The following CSNK1D variants were observed in gnomAD, a reference collection of about 807,000 sequenced individuals.
CSNK1D encodes the protein casein kinase 1 delta.
CSNK1D carries 16 observed loss-of-function variants against 46.6 expected under a neutral mutation model. The observed-to-expected ratio is 0.34, with a 90% CI of 0.23 to 0.52. The LOEUF (loss-of-function observed/expected upper bound fraction) is 0.52. Ranked by LOEUF, CSNK1D falls within the 20% of genes least tolerant of loss-of-function variation. The pLI is 0.95. For missense variants in CSNK1D, 398 were observed against 578.4 expected, an observed-to-expected ratio of 0.69 and a Z score of 3.20; for synonymous variants, 276 against 228.2, an observed-to-expected ratio of 1.21 and a Z score of -1.89.
Position 82,244,137 on chromosome 17 carries a change from G to GGC in CSNK1D, c.*642_*643dup. The stretch of plus-strand genomic sequence containing the variant: ...GGTTGAAGAGGTCCCACCACACACG[G>GGC]GCACACACACACACCACGGACTTTT... On this transcript the variant is annotated 3_prime_UTR_variant, in exon 9 of 9. Transcript: ENST00000314028. 5.0e-6 allele frequency: 5 copies of GGC among 997,848 alleles called. No homozygotes were observed. Among genetic ancestry groups the GGC allele is most frequent in the African/African-American group, 1.7e-5 (1 of 57,362 alleles). 61.8% of individuals were successfully genotyped at this position (997,848 alleles called of 1,614,324 possible).
Position 82,249,991 on chromosome 17 carries a change from C to G in CSNK1D, c.886-389G>C. On this transcript the variant is annotated intron_variant, in intron 6 of 8. Coordinates refer to ENST00000314028, the MANE Select transcript of CSNK1D (RefSeq NM_001893.6). This position sits in a 1 kb window ranked among gnomAD's most constrained non-coding sequence, Gnocchi z 6.7. ...AAAGACAGGCCCCAAATGGTGACAG[C>G]TGGGGAGGAAAGCGGGGTGGGGATG... The G allele has an allele frequency of 4.9e-6, 6 of 1,235,744 alleles. No individual in the cohort carries two copies. The South Asian group carries it at 7.3e-5, about 15-fold the overall frequency. The allele number at this position is 1,235,744 out of a possible 1,614,324, so 76.5% of individuals were successfully genotyped here. A position where few individuals can be genotyped will look rare whatever the true frequency, so the allele number is the denominator to read the frequency against.
intron 1 of CSNK1D, among the ~76,000 whole-genome samples, chr17:82,270,180 C>T (rs1018402968): frequency 6.6e-6 from 1 of 152,206 alleles, no homozygotes; most frequent in Non-Finnish European, 1.5e-5. Flanking sequence ...CAAGAAATAG[C>T]CCCAAAATAC....
chr17:82,269,720 G>A (rs1244924879), intron 1 of CSNK1D, among the ~76,000 whole-genome samples: 2 of 152,220 alleles, frequency 1.3e-5, no homozygotes, highest in Non-Finnish European at 2.9e-5. Flanking sequence ...CACTACAGGT[G>A]AGAACAGAGG....
intron 1 of CSNK1D, chr17:82,272,345 A>C (rs1567823055): frequency 6.6e-6 from 1 of 152,010 alleles, no homozygotes; most frequent in Non-Finnish European, 1.5e-5. Context: ...ACTCCGTCTC[A>C]GGAAAAAAAA....
At chr17:82,246,746 G>T in intron 8 of CSNK1D, 1 of 991,944 alleles carries the variant, frequency 1.0e-6, no homozygotes, top group South Asian at 4.5e-5. Flanking sequence ...AGACCTTCCT[G>T]CTGCCTCCTC....
rs2051146211 is a variant in CSNK1D, at chr17:82,255,220, G to A, written c.336+209C>T. The A allele has an allele frequency of 3.1e-6, 2 of 647,208 alleles. No homozygotes were observed. Among genetic ancestry groups the A allele is most frequent in the East Asian group, 5.8e-5 (2 of 34,412 alleles). The allele number at this position is 647,208 out of a possible 1,614,324, so 40.1% of individuals were successfully genotyped here. A position where few individuals can be genotyped will look rare whatever the true frequency, so the allele number is the denominator to read the frequency against. On this transcript the variant is annotated intron_variant, in intron 3 of 8. Coordinates refer to ENST00000314028, the MANE Select transcript of CSNK1D (RefSeq NM_001893.6). This position sits in a 1 kb window ranked among gnomAD's most constrained non-coding sequence, Gnocchi z 5.9. The stretch of plus-strand genomic sequence containing the variant: ...GAGCCTCGAGAAGCCAGTGAGCTGG[G>A]CCGCCGGAGCCTCGAGAAGCCAGTG...
intron 2 of CSNK1D, among the ~76,000 whole-genome samples, chr17:82,257,976 G>A (rs2051221439): frequency 6.6e-6 from 1 of 152,156 alleles, no homozygotes; most frequent in South Asian, 2.1e-4. Context: ...GGAGGTGGAA[G>A]TGGGAGGATC....
intron 2 of CSNK1D, among the ~76,000 whole-genome samples, chr17:82,257,631 C>T (rs965969346): frequency 1.3e-5 from 2 of 152,300 alleles, no homozygotes; most frequent in East Asian, 1.9e-4. Context: ...TGCCTGAGGG[C>T]GGGAAGGAGC....
chr17:82,268,238 G>A (rs1015621661), intron 1 of CSNK1D, among the ~76,000 whole-genome samples: 12 of 152,198 alleles, frequency 7.9e-5, no homozygotes, highest in African/African-American at 2.9e-4. Context: ...ACCAAGGTCT[G>A]TGCATTCCAA....
In CSNK1D at chr17:82,251,909, G is replaced by A. The variant is rs904508453; in HGVS notation, c.737-382C>T. Reference sequence around the variant, plus strand: ...CCGGGGAGGCTGACGCAGGAGAATGGTATGAACCCGGGAGGCGGAGCTTGC... The same window carrying A: ...CCGGGGAGGCTGACGCAGGAGAATGATATGAACCCGGGAGGCGGAGCTTGC... On this transcript the variant is annotated intron_variant, in intron 5 of 8. Coordinates refer to ENST00000314028, the MANE Select transcript of CSNK1D (RefSeq NM_001893.6). The surrounding 1 kb of genome is among the most constrained non-coding windows in gnomAD (Gnocchi z 4.5). 1.5e-5 allele frequency: 5 copies of A among 337,682 alleles called. No individual in the cohort carries two copies. The highest frequency in any genetic ancestry group is 2.8e-5 in the Non-Finnish European group (5 of 176,696). The allele number at this position is 337,682 out of a possible 1,614,324, so 20.9% of individuals were successfully genotyped here. A position where few individuals can be genotyped will look rare whatever the true frequency, so the allele number is the denominator to read the frequency against.
chr17:82,244,748 A>G lies in CSNK1D; in HGVS notation c.*33T>C. 4.3e-6 allele frequency: 7 copies of G among 1,613,846 alleles called. No individual in the cohort carries two copies. The highest frequency in any genetic ancestry group is 1.6e-4 in the Middle Eastern group (1 of 6,062). On this transcript the variant is annotated 3_prime_UTR_variant, in exon 9 of 9. Coordinates refer to ENST00000314028, the MANE Select transcript of CSNK1D (RefSeq NM_001893.6). ...TGGTAACAGAGTAGATCAGCCATGC[A>G]TTGTCTGCCCTTCACAGCAATAAGG... is the stretch of plus-strand genomic sequence containing the variant.
chr17:82,239,022 G>T, downstream of CSNK1D: 1 of 1,477,354 alleles, frequency 6.8e-7, no homozygotes, highest in Non-Finnish European at 9.0e-7. Context: ...TACAGAAGCC[G>T]GCAACGCTTG....
At chr17:82,241,921 G>A (rs1203074847), downstream of CSNK1D, among the ~76,000 whole-genome samples, 2 of 152,166 alleles carry the variant, frequency 1.3e-5, no homozygotes, top group Admixed American at 6.5e-5. Context: ...AAGCTACACC[G>A]TTCTTAGAGC....
intron 2 of CSNK1D, among the ~76,000 whole-genome samples, chr17:82,260,130 G>A (rs1179173553): frequency 6.6e-6 from 1 of 150,826 alleles, no homozygotes; most frequent in Non-Finnish European, 1.5e-5. Flanking sequence ...TGTGACTGAT[G>A]GTGTACTGAG....
chr17:82,244,858 G>T (rs201284247), intron 8 of CSNK1D, 27 bp from the exon 9 acceptor site: 1 of 1,613,374 alleles, frequency 6.2e-7, no homozygotes, highest in Non-Finnish European at 8.5e-7. Flanking sequence ...ACAGGAGAAG[G>T]TCAGCATGGG....
chr17:82,252,433 C>A lies in CSNK1D; in HGVS notation c.736+1G>T. 6.2e-7 allele frequency: 1 copy of A among 1,614,162 alleles called. No homozygotes were observed. The highest frequency in any genetic ancestry group is 8.5e-7 in the Non-Finnish European group (1 of 1,180,022). ...CTGAGAAGAGGCCTCCAGAGACTTACAAGGGTAGCCTTTACACAACACTTC... is the reference window on the plus strand; with the variant it reads ...CTGAGAAGAGGCCTCCAGAGACTTAAAAGGGTAGCCTTTACACAACACTTC... On this transcript the variant is annotated splice_donor_variant, in intron 5 of 8. Coordinates refer to ENST00000314028, the MANE Select transcript of CSNK1D (RefSeq NM_001893.6). LOFTEE classifies it high-confidence loss of function. The surrounding 1 kb of genome is among the most constrained non-coding windows in gnomAD (Gnocchi z 4.6).
rs768610715 is a variant in CSNK1D at position 82,250,222 on chromosome 17, G to A, written c.886-620C>T. Reference sequence around the variant, plus strand: ...CTAACTGCCAATGCTGTGCGGCAGGGGCCTGCAAACTACAGCCCCGGGGCC... The same window carrying A: ...CTAACTGCCAATGCTGTGCGGCAGGAGCCTGCAAACTACAGCCCCGGGGCC... On this transcript the variant is annotated intron_variant, in intron 6 of 8. Coordinates refer to ENST00000314028, the MANE Select transcript of CSNK1D (RefSeq NM_001893.6). The surrounding 1 kb of genome is among the most constrained non-coding windows in gnomAD (Gnocchi z 4.6). The A allele has an allele frequency of 7.2e-5, 93 of 1,289,592 alleles. No individual in the cohort carries two copies. Among genetic ancestry groups the A allele is most frequent in the African/African-American group, 1.1e-4 (7 of 65,854 alleles). 79.9% of individuals were successfully genotyped at this position (1,289,592 alleles called of 1,614,324 possible). A position where few individuals can be genotyped will look rare whatever the true frequency, so the allele number is the denominator to read the frequency against.
Position 82,248,699 on chromosome 17 carries a change from C to G in CSNK1D, c.1197+176G>C, listed in dbSNP as rs1489091008. ...GCCCCATGACGGCCCAGCATGTCTCCCAGGCCCTCCCGAGAAGCCTCATCT... is the reference window on the plus strand; with the variant it reads ...GCCCCATGACGGCCCAGCATGTCTCGCAGGCCCTCCCGAGAAGCCTCATCT... On this transcript the variant is annotated intron_variant, in intron 8 of 8. Transcript: ENST00000314028. This position sits in a 1 kb window ranked among gnomAD's most constrained non-coding sequence, Gnocchi z 4.1. 6 of 1,445,572 alleles carry G rather than the reference C, an allele frequency of 4.2e-6. No individual in the cohort carries two copies. The highest frequency in any genetic ancestry group is 5.5e-6 in the Non-Finnish European group (6 of 1,099,886). The allele number at this position is 1,445,572 out of a possible 1,614,324, so 89.5% of individuals were successfully genotyped here. A position where few individuals can be genotyped will look rare whatever the true frequency, so the allele number is the denominator to read the frequency against.
chr17:82,270,968 G>A (rs995353492), intron 1 of CSNK1D, among the ~76,000 whole-genome samples: 1 of 152,202 alleles, frequency 6.6e-6, no homozygotes, highest in African/African-American at 2.4e-5. Context: ...TCCACCTCTG[G>A]AATTACTTGG....
Sources: gnomAD v4.1 joint callset for allele counts (sites outside exome capture counted in the v4.1 genomes callset) on GRCh38, gnomAD v4.1.1 for gene constraint, Gnocchi (gnomAD v3.1) non-coding constraint, MANE v1.5 for transcripts, NCBI Gene and HGNC (gene_info 2026-07-23, HGNC 2026-07-21) for gene names.